The following CNRIP1 variants were observed in gnomAD, a reference collection of about 807,000 sequenced individuals.
CNRIP1 encodes the protein CB1 cannabinoid receptor-interacting protein 1.
Under a neutral mutation model 15.2 loss-of-function variants are expected in CNRIP1, and 10 were observed. The observed-to-expected ratio is 0.66, with a 90% confidence interval of 0.41 to 1.12. The LOEUF (loss-of-function observed/expected upper bound fraction) is 1.12, where lower values mean the gene tolerates loss of function less well. CNRIP1 is among the 50% of genes most tolerant of loss of function. The pLI is 0.00. For synonymous variants in CNRIP1, 91 were observed against 83.2 expected (o/e 1.09, Z -0.51); for missense variants, 211 against 214.7 (o/e 0.98, Z 0.11).
At chr2:68,304,825 T>G (rs1379447874) in intron 2 of CNRIP1, among the ~76,000 whole-genome samples, 3 of 152,192 alleles carry the variant, frequency 2.0e-5, no homozygotes, top group African/African-American at 7.2e-5. Context: ...AATATAGGTT[T>G]TCTGATCAAG....
intron 2 of CNRIP1, among the ~76,000 whole-genome samples, chr2:68,297,672 G>T (rs1671430596): frequency 6.7e-6 from 1 of 149,256 alleles, no homozygotes; most frequent in African/African-American, 2.5e-5. Context: ...CTTTTAAAGA[G>T]ATACTATTCC....
At chr2:68,318,012 T>TAA (rs78781299) in intron 1 of CNRIP1, among the ~76,000 whole-genome samples, 8 of 135,300 alleles carry the variant, frequency 5.9e-5, no homozygotes, top group South Asian at 2.4e-4. Flanking sequence ...AGGAATACTC[T>TAA]AAAAAAAAAA....
chr2:68,290,057 T>A (rs112905357), downstream of CNRIP1, among the ~76,000 whole-genome samples: 4,733 of 122,464 alleles, frequency 0.039, 108 homozygotes, highest in Middle Eastern at 0.066. Flanking sequence ...TGAGAAGGAG[T>A]CTCCTCTGAA....
At chr2:68,314,143 A>T (rs1224232777) in intron 2 of CNRIP1, among the ~76,000 whole-genome samples, 1 of 152,058 alleles carries the variant, frequency 6.6e-6, no homozygotes, top group African/African-American at 2.4e-5. Flanking sequence ...GCAATTATTT[A>T]CCTTATCATT....
chr2:68,315,826 A>G (rs1450638474), intron 2 of CNRIP1: 1 of 152,086 alleles, frequency 6.6e-6, no homozygotes, highest in Non-Finnish European at 1.5e-5. Context: ...CAGGTGTGGT[A>G]TCACCACACC....
chr2:68,301,810 T>G (rs1465966919), intron 2 of CNRIP1, among the ~76,000 whole-genome samples: 2 of 142,714 alleles, frequency 1.4e-5, no homozygotes, highest in Non-Finnish European at 1.5e-5. Flanking sequence ...GAGAATGGCG[T>G]GAACCCGGGA....
chr2:68,294,779 T>C (rs1671287163), intron 2 of CNRIP1, among the ~76,000 whole-genome samples: 1 of 152,230 alleles, frequency 6.6e-6, no homozygotes, highest in Non-Finnish European at 1.5e-5. Context: ...TGGGCTTAGA[T>C]TATACATTAC....
chr2:68,289,067 A>G (rs959214225), downstream of CNRIP1, among the ~76,000 whole-genome samples: 1 of 152,204 alleles, frequency 6.6e-6, no homozygotes, highest in African/African-American at 2.4e-5. Context: ...TCCTCTGTAA[A>G]ATGGAGACAT....
At chr2:68,315,117 T>A (rs112847622) in intron 2 of CNRIP1, among the ~76,000 whole-genome samples, 4 of 152,202 alleles carry the variant, frequency 2.6e-5, no homozygotes, top group African/African-American at 9.6e-5. Context: ...ACTCAAGATG[T>A]GATAAAAATG....
In CNRIP1 at chr2:68,317,198, T is replaced by A; in HGVS notation, c.289A>T (p.Thr97Ser). The change falls in exon 2 of 3, where the codon ACG becomes TCG. Residue 97 changes from threonine to serine, a missense_variant. Thr to Ser is a moderately conservative substitution (Grantham distance 58). Coordinates refer to ENST00000263655, the MANE Select transcript of CNRIP1 (RefSeq NM_015463.3). ...ATGGGTTGCCGTTCTCCACTCTTCGTTGGGGTCACACCTTCTGTGTCATAT... is the reference window on the plus strand; with the variant it reads ...ATGGGTTGCCGTTCTCCACTCTTCGATGGGGTCACACCTTCTGTGTCATAT... Reference protein sequence around the residue: ...GTYDTEGVTPTKSGERQPIQI... With the variant: ...GTYDTEGVTPSKSGERQPIQI... 6.2e-7 allele frequency: 1 copy of A among 1,614,226 alleles called. No individual in the cohort carries two copies. Among genetic ancestry groups the A allele is most frequent in the Non-Finnish European group, 8.5e-7 (1 of 1,180,052 alleles).
intron 2 of CNRIP1, among the ~76,000 whole-genome samples, chr2:68,311,568 G>C (rs1280200380): frequency 1.3e-5 from 2 of 152,034 alleles, no homozygotes; most frequent in Admixed American, 6.6e-5. Flanking sequence ...GAGGCCAGGA[G>C]TTCGAGACCA....
chr2:68,305,950 A>G (rs954744906), intron 2 of CNRIP1, among the ~76,000 whole-genome samples: 2 of 151,312 alleles, frequency 1.3e-5, no homozygotes, highest in Non-Finnish European at 2.9e-5. Context: ...GCAACATAGC[A>G]AGACCTTGTC....
At chr2:68,286,959 A>C (rs191452257) in intron 2 of CNRIP1, among the ~76,000 whole-genome samples, 1 of 152,242 alleles carries the variant, frequency 6.6e-6, no homozygotes, top group Non-Finnish European at 1.5e-5. Context: ...CATACAAAAG[A>C]TAGTCAATGA....
chr2:68,284,280 G>T (rs954483464), exon 3 of CNRIP1: 18 of 508,286 alleles, frequency 3.5e-5, no homozygotes, highest in Non-Finnish European at 4.7e-5. Context: ...GGTCTAAAAA[G>T]GTAGAGTTTA....
At chr2:68,289,233 A>G (rs1053509490), downstream of CNRIP1, among the ~76,000 whole-genome samples, 3 of 152,178 alleles carry the variant, frequency 2.0e-5, no homozygotes, top group African/African-American at 4.8e-5. Flanking sequence ...ATGTCTTTAT[A>G]TAGGAAACTT....
intron 2 of CNRIP1, among the ~76,000 whole-genome samples, chr2:68,287,415 T>G (rs1159787851): frequency 3.3e-5 from 5 of 152,234 alleles, no homozygotes; most frequent in African/African-American, 1.2e-4. Context: ...AAATGTTAAC[T>G]GTGAAATTCA....
At chr2:68,290,124 G>A (rs1671128010), downstream of CNRIP1, among the ~76,000 whole-genome samples, 1 of 151,184 alleles carries the variant, frequency 6.6e-6, no homozygotes, top group Non-Finnish European at 1.5e-5. Flanking sequence ...CTCCTCCTGG[G>A]TTCAAGTGAT....
At chr2:68,310,134 C>A (rs748830000) in intron 2 of CNRIP1, among the ~76,000 whole-genome samples, 1 of 152,040 alleles carries the variant, frequency 6.6e-6, no homozygotes, top group Non-Finnish European at 1.5e-5. Flanking sequence ...TCGAGACCAG[C>A]GTGGCCAACA....
rs149229841 is a variant in CNRIP1 at position 68,319,866 on chromosome 2, G to T, written c.-466C>A. 409 of 153,730 alleles carry T rather than the reference G, an allele frequency of 2.7e-3. 1 individual carries two copies. The highest frequency in any genetic ancestry group is 8.8e-3 in the African/African-American group (366 of 41,612). The allele number at this position is 153,730 out of a possible 1,614,324, so 9.5% of individuals were successfully genotyped here. A position where few individuals can be genotyped will look rare whatever the true frequency, so the allele number is the denominator to read the frequency against. ...GAGGTTTGGGAGGCACTGGGAAGGC[G>T]CTGGAGTTAAGCGACCACTATGCCA... On this transcript the variant is annotated 5_prime_UTR_variant, in exon 1 of 3. Transcript: ENST00000263655.
Sources: allele counts gnomAD v4.1 joint callset (sites outside exome capture counted in the v4.1 genomes callset), GRCh38; gene constraint gnomAD v4.1.1; transcripts MANE v1.5; gene names NCBI Gene and HGNC (gene_info 2026-07-23, HGNC 2026-07-21).